TF: variants seen among roughly 807,000 people sequenced by gnomAD.
TF encodes the protein serotransferrin.
In TF, 55 loss-of-function variants were observed where a neutral mutation model predicts 82.4. The observed-to-expected ratio is 0.67, with a 90% CI of 0.54 to 0.84. The LOEUF (loss-of-function observed/expected upper bound fraction) is 0.84, where lower values mean the gene tolerates loss of function less well. Among genes scored for constraint, TF ranks in the 40% least tolerant of loss-of-function variants. TF has a pLI of 0.00. For missense variants in TF, 737 were observed against 868.4 expected, an observed-to-expected ratio of 0.85 and a Z score of 1.90; for synonymous variants, 332 against 332.6, an observed-to-expected ratio of 1.00 and a Z score of 0.02.
Position 133,777,166 on chromosome 3 carries a change from A to T in TF, c.1990A>T (p.Asn664Tyr), listed in dbSNP as rs1934416566. The T allele has an allele frequency of 6.2e-7, 1 of 1,614,122 alleles. No individual in the cohort carries two copies. Among genetic ancestry groups the T allele is most frequent in the East Asian group, 2.2e-5 (1 of 44,886 alleles). ...ATGTTTGGCCAAACTTCATGACAGA[A>T]ACACATATGAAAAATACTTAGGAGA... Reference protein sequence around the residue: ...TVCLAKLHDRNTYEKYLGEEY... With the variant: ...TVCLAKLHDRYTYEKYLGEEY... The change falls in exon 16 of 17, where the codon AAC (asparagine) becomes TAC (tyrosine). Residue 664 changes from asparagine (N) to tyrosine (Y), a missense_variant. Asn to Tyr is a moderately radical substitution (Grantham distance 143, BLOSUM62 -2). Coordinates refer to ENST00000402696, the MANE Select transcript of TF (RefSeq NM_001063.4).
chr3:133,746,468 G>T lies in TF; in HGVS notation c.28G>T (p.Val10Phe), dbSNP rs1933501434. 6.3e-7 allele frequency: 1 copy of T among 1,599,698 alleles called. No homozygotes were observed. ...GAGGCTCGCCGTGGGAGCCCTGCTG[G>T]TCTGCGCCGTCCTGGGTGAGTGCGG... The part of the protein sequence containing the change: MRLAVGALL[V>F]CAVLGLCLAV... Residue 10 changes from valine (V) to phenylalanine (F), a missense_variant, in exon 1 of 17, where the codon GTC becomes TTC. By Grantham distance (50) the Val-to-Phe change is conservative. Coordinates refer to ENST00000402696, the MANE Select transcript of TF (RefSeq NM_001063.4).
the TF span, among the ~76,000 whole-genome samples, chr3:133,722,641 C>T: frequency 6.6e-6 from 1 of 152,130 alleles, no homozygotes; most frequent in Non-Finnish European, 1.5e-5. Flanking sequence ...AAGCTGATAG[C>T]AACTTAACTT....
the TF span, among the ~76,000 whole-genome samples, chr3:133,738,424 C>T: frequency 6.6e-6 from 1 of 152,108 alleles, no homozygotes; most frequent in South Asian, 2.1e-4. Flanking sequence ...GCCCTCTCTT[C>T]CCACTCCTAT....
the TF span, among the ~76,000 whole-genome samples, chr3:133,682,280 A>G: frequency 6.6e-6 from 1 of 152,350 alleles, no homozygotes; most frequent in Admixed American, 6.5e-5. Flanking sequence ...GAAAATTCTA[A>G]AAATCAGAGC....
In TF at chr3:133,791,306, A is replaced by G. The variant is rs1331016937; in HGVS notation, c.*12686A>G. 2.6e-5 allele frequency: 4 copies of G among 152,094 alleles called. No homozygotes were observed. Among genetic ancestry groups the G allele is most frequent in the Non-Finnish European group, 5.9e-5 (4 of 68,028 alleles). The allele number at this position is 152,094 out of a possible 1,614,324, so 9.4% of individuals were successfully genotyped here. A position where few individuals can be genotyped will look rare whatever the true frequency, so the allele number is the denominator to read the frequency against. ...TTGAGTCATATTTCTCTGTCTGCCC[A>G]TTTTCTCCAAAATTCGTAAACTATT... On this transcript the variant is annotated 3_prime_UTR_variant, in exon 17 of 17. Coordinates refer to ENST00000402696, the MANE Select transcript of TF (RefSeq NM_001063.4).
intron 2 of TF, among the ~76,000 whole-genome samples, chr3:133,750,606 C>T (rs1933633685): frequency 1.3e-5 from 2 of 152,018 alleles, no homozygotes; most frequent in African/African-American, 4.8e-5. Context: ...CCTGGGAACC[C>T]TGCAGCTCTA....
At chr3:133,729,096 G>C in the TF span, among the ~76,000 whole-genome samples, 1 of 152,180 alleles carries the variant, frequency 6.6e-6, no homozygotes, top group African/African-American at 2.4e-5. Context: ...GGCTGCTTGG[G>C]GGTCAGGGGT....
At chr3:133,776,877 G>A (rs992162766) in intron 15 of TF, among the ~76,000 whole-genome samples, 172 bp from the exon 16 acceptor site, 2 of 152,102 alleles carry the variant, frequency 1.3e-5, no homozygotes, top group Non-Finnish European at 2.9e-5. Flanking sequence ...GCATGCAGCT[G>A]GGGCCCTAAG....
At chr3:133,689,297 C>G in the TF span, among the ~76,000 whole-genome samples, 1 of 151,970 alleles carries the variant, frequency 6.6e-6, no homozygotes, top group Non-Finnish European at 1.5e-5. Flanking sequence ...ACACTCCAGC[C>G]TGGGCAACGG....
At position 133,757,024 on chromosome 3, in the gene TF, C is replaced by T. The variant is rs1270022236; in HGVS notation, c.870+15C>T. 6.8e-6 allele frequency: 11 copies of T among 1,614,056 alleles called. No individual in the cohort carries two copies. The highest frequency in any genetic ancestry group is 6.7e-5 in the African/African-American group (5 of 74,920). On this transcript the variant is annotated intron_variant, in intron 7 of 16. Transcript: ENST00000402696. ...ACCAGGCCCAGGTATCCCCACCTGC[C>T]ATCCTCCCCTCCAGCTTAGTGCTCC...
At chr3:133,748,691 C>T (rs753155900) in intron 2 of TF, 107 bp downstream of exon 2, 2 of 1,385,738 alleles carry the variant, frequency 1.4e-6, no homozygotes, top group Non-Finnish European at 2.0e-6. Context: ...ATATATGGGG[C>T]AGTCAACCTT....
the TF span, among the ~76,000 whole-genome samples, chr3:133,679,697 TA>T: frequency 5.3e-5 from 8 of 151,656 alleles, no homozygotes; most frequent in Non-Finnish European, 1.2e-4. Flanking sequence ...TACCACAGCT[TA>T]TTCACCCATT....
chr3:133,711,841 C>T, the TF span, among the ~76,000 whole-genome samples: 8 of 151,906 alleles, frequency 5.3e-5, no homozygotes, highest in Non-Finnish European at 1.0e-4. Context: ...GGGTCTGGAC[C>T]CTGCCCCCCA....
chr3:133,753,627 A>C lies in TF; in HGVS notation c.249A>C (p.Ala83=). 6.2e-7 allele frequency: 1 copy of C among 1,614,168 alleles called. No homozygotes were observed. Among genetic ancestry groups the C allele is most frequent in the African/African-American group, 1.3e-5 (1 of 75,028 alleles). ...ANEADAVTLD[A]GLVYDAYLAP... is the part of the protein sequence containing the mutation. ...AAGCGGATGCTGTGACACTGGATGC[A>C]GGTTTGGTGTATGATGCTTACCTGG... Residue 83 remains alanine (A), a synonymous_variant, in exon 3 of 17, where the codon GCA becomes GCC. Transcript: ENST00000402696.
rs8177251 is a variant in TF at position 133,761,177 on chromosome 3, C to T, written c.1203+1848C>T. 903 of 211,554 alleles carry T rather than the reference C, an allele frequency of 4.3e-3. 12 individuals carry two copies. The highest frequency in any genetic ancestry group is 0.019 in the African/African-American group (840 of 43,254). 13.1% of individuals were successfully genotyped at this position (211,554 alleles called of 1,614,324 possible). ...GGACTTCCAAAGGGAGTCATCATCT[C>T]GCATAGAAACATCATTACTGGTATT... On this transcript the variant is annotated intron_variant, in intron 9 of 16. Transcript: ENST00000402696.
At chr3:133,744,979 A>C (rs11717885), upstream of TF, among the ~76,000 whole-genome samples, 164 of 152,306 alleles carry the variant, frequency 1.1e-3, no homozygotes, top group Non-Finnish European at 1.8e-3. Context: ...TAAAGGTGAA[A>C]AGGGGAGTGC....
chr3:133,693,722 C>T, the TF span, among the ~76,000 whole-genome samples: 4 of 152,188 alleles, frequency 2.6e-5, no homozygotes, highest in African/African-American at 9.7e-5. Context: ...CATGAACTAC[C>T]ACAGCCTCTG....
At chr3:133,720,222 G>C in the TF span, among the ~76,000 whole-genome samples, 1 of 152,120 alleles carries the variant, frequency 6.6e-6, no homozygotes, top group Non-Finnish European at 1.5e-5. Flanking sequence ...TCAGTATGAT[G>C]TTAGCTATGG....
In TF at chr3:133,775,385, G is replaced by A; in HGVS notation, c.1688-48G>A. 2.5e-6 allele frequency: 4 copies of A among 1,603,946 alleles called. No individual in the cohort carries two copies. The South Asian group carries it at 4.4e-5, about 18-fold the overall frequency. On this transcript the variant is annotated intron_variant, in intron 14 of 16. Coordinates refer to ENST00000402696, the MANE Select transcript of TF (RefSeq NM_001063.4). ...GAGTCAGTTCCATCTCCCCAGCGGG[G>A]CACCTTGACCAAAGCCATCAGCTGA...
Sources: allele counts gnomAD v4.1 joint callset (sites outside exome capture counted in the v4.1 genomes callset), GRCh38; gene constraint gnomAD v4.1.1; transcripts MANE v1.5; gene names NCBI Gene and HGNC (gene_info 2026-07-23, HGNC 2026-07-21).